The following MCTP1 variants were observed in gnomAD, a reference collection of about 807,000 sequenced individuals.
The protein encoded by MCTP1 is multiple C2 and transmembrane domain containing 1.
A neutral mutation model predicts 120.6 loss-of-function variants in MCTP1; 69 were observed. The observed-to-expected ratio is 0.57, with a 90% CI of 0.47 to 0.70. The LOEUF (loss-of-function observed/expected upper bound fraction) is 0.70. Among genes scored for constraint, MCTP1 ranks in the 30% least tolerant of loss-of-function variants. The pLI is 0.00. For synonymous variants in MCTP1, 529 were observed against 493.1 expected (o/e 1.07, Z -0.96); for missense variants, 1,203 against 1,248.8 (o/e 0.96, Z 0.55).
intron 2 of MCTP1, among the ~76,000 whole-genome samples, chr5:94,967,822 G>A (rs1460662723): frequency 1.3e-5 from 2 of 152,296 alleles, no homozygotes; most frequent in East Asian, 3.9e-4. Context: ...AGATCCAGGC[G>A]AACAACTCTT....
At chr5:95,100,748 C>A (rs949764634) in intron 1 of MCTP1, among the ~76,000 whole-genome samples, 4 of 152,104 alleles carry the variant, frequency 2.6e-5, no homozygotes, top group African/African-American at 7.2e-5. Flanking sequence ...TGCTACATAT[C>A]CCAGCGATGA....
intron 1 of MCTP1, among the ~76,000 whole-genome samples, chr5:95,254,559 A>T (rs1757689830): frequency 6.6e-6 from 1 of 152,138 alleles, no homozygotes; most frequent in Non-Finnish European, 1.5e-5. Flanking sequence ...CTTAATCTCA[A>T]AATTAACATT....
intron 2 of MCTP1, among the ~76,000 whole-genome samples, chr5:95,011,345 C>T (rs62364700): frequency 0.11 from 15,962 of 151,934 alleles, 1,034 homozygotes; most frequent in Non-Finnish European, 0.15. Context: ...ATGCTTATAC[C>T]TTCTCCTCCA....
chr5:95,277,012 G>T (rs1293165159), intron 1 of MCTP1, among the ~76,000 whole-genome samples: 9 of 152,058 alleles, frequency 5.9e-5, no homozygotes, highest in Admixed American at 5.2e-4. Context: ...TCAAGGAGAA[G>T]TAGCAGTGAA....
chr5:94,944,612 C>G (rs771794209), intron 3 of MCTP1, among the ~76,000 whole-genome samples: 3 of 152,210 alleles, frequency 2.0e-5, no homozygotes, highest in Non-Finnish European at 4.4e-5. Flanking sequence ...TTAGTGCAGA[C>G]AGCCCAACTG....
At chr5:95,076,451 GGAA>G (rs1753592165) in intron 1 of MCTP1, among the ~76,000 whole-genome samples, 2 of 45,084 alleles carry the variant, frequency 4.4e-5, no homozygotes, top group South Asian at 1.4e-3. Context: ...AGCTGAAAAA[GGAA>G]AAAAAAAAAA....
At chr5:94,760,134 T>A (rs968923681) in intron 19 of MCTP1, among the ~76,000 whole-genome samples, 4 of 152,118 alleles carry the variant, frequency 2.6e-5, no homozygotes, top group African/African-American at 9.7e-5. Flanking sequence ...AGTATTAGAT[T>A]TCCACTGACA....
intron 1 of MCTP1, among the ~76,000 whole-genome samples, chr5:95,148,084 G>T (rs1192732811): frequency 1.3e-5 from 2 of 152,282 alleles, no homozygotes; most frequent in Non-Finnish European, 2.9e-5. Context: ...GCCTATTGGG[G>T]TTCCTTTTGT....
intron 2 of MCTP1, chr5:94,976,862 T>C (rs907241411): frequency 6.6e-6 from 1 of 152,070 alleles, no homozygotes; most frequent in Admixed American, 6.6e-5. Context: ...GAAAATCCCA[T>C]AGCTAATATC....
intron 10 of MCTP1, among the ~76,000 whole-genome samples, chr5:94,905,753 T>C (rs552244004): frequency 1.3e-5 from 2 of 152,146 alleles, no homozygotes; most frequent in African/African-American, 2.4e-5. Context: ...GACTTTCAAA[T>C]AGTGATATCA....
chr5:94,951,338 G>A lies in MCTP1; in HGVS notation c.981+1881C>T, dbSNP rs77094413. 1.2e-3 allele frequency among the ~76,000 whole-genome samples: 176 copies of A among 152,222 alleles called. 1 individual carries two copies. The highest frequency in any genetic ancestry group is 9.2e-3 in the Admixed American group (140 of 15,288). On this transcript the variant is annotated intron_variant, in intron 3 of 22. Transcript: ENST00000515393. ...TGAATACTTATTCTTGAGCACAAAA[G>A]AATAAGAAAAGCACCTGACCAATAT...
chr5:94,745,731 C>T (rs574360605), intron 19 of MCTP1, among the ~76,000 whole-genome samples: 1 of 152,268 alleles, frequency 6.6e-6, no homozygotes, highest in African/African-American at 2.4e-5. Context: ...TGAAGAAAAA[C>T]ATATTTACAG....
chr5:95,199,996 A>G (rs1750826183), intron 1 of MCTP1, among the ~76,000 whole-genome samples: 1 of 152,060 alleles, frequency 6.6e-6, no homozygotes, highest in Non-Finnish European at 1.5e-5. Context: ...CCTCGTCTCT[A>G]CTAAAAATAC....
At chr5:94,976,169 C>A (rs1222465820) in intron 2 of MCTP1, among the ~76,000 whole-genome samples, 1 of 152,268 alleles carries the variant, frequency 6.6e-6, no homozygotes, top group African/African-American at 2.4e-5. Flanking sequence ...ACCACTTCTA[C>A]AACAGTAAGC....
chr5:95,199,867 A>G (rs1175938065), intron 1 of MCTP1, among the ~76,000 whole-genome samples: 3 of 147,892 alleles, frequency 2.0e-5, no homozygotes, highest in African/African-American at 7.4e-5. Context: ...TCTCAAAAGA[A>G]AAAAAAAAAA....
chr5:95,054,132 C>T (rs1240471386), intron 1 of MCTP1, among the ~76,000 whole-genome samples: 1 of 152,160 alleles, frequency 6.6e-6, no homozygotes, highest in Non-Finnish European at 1.5e-5. Flanking sequence ...TTGAAGTGAT[C>T]TTATTCTGCT....
chr5:94,873,965 C>A (rs1798297817), intron 12 of MCTP1, among the ~76,000 whole-genome samples: 1 of 151,766 alleles, frequency 6.6e-6, no homozygotes, highest in African/African-American at 2.4e-5. Flanking sequence ...CAAATCTCAT[C>A]CTTTCGGCAA....
At chr5:94,811,540 G>GGCCT (rs1286239894) in intron 17 of MCTP1, among the ~76,000 whole-genome samples, 1 of 152,152 alleles carries the variant, frequency 6.6e-6, no homozygotes, top group Admixed American at 6.6e-5. Context: ...ATGTAATTCT[G>GGCCT]AAATGTTTTC....
At chr5:94,787,054 C>T (rs1777884252) in intron 18 of MCTP1, among the ~76,000 whole-genome samples, 1 of 152,112 alleles carries the variant, frequency 6.6e-6, no homozygotes, top group Non-Finnish European at 1.5e-5. Flanking sequence ...TCCTCTTACC[C>T]GACATCCTGA....
Sources: allele counts gnomAD v4.1 joint callset (sites outside exome capture counted in the v4.1 genomes callset), GRCh38; gene constraint gnomAD v4.1.1; transcripts MANE v1.5; gene names NCBI Gene and HGNC (gene_info 2026-07-23, HGNC 2026-07-21).